Variants in SLC36A1 observed in about 807,000 individuals in gnomAD.
SLC36A1 encodes solute carrier family 36 member 1.
A neutral mutation model predicts 47.5 loss-of-function variants in SLC36A1; 30 were observed. That is an observed-to-expected ratio of 0.63 (90% confidence interval 0.47 to 0.86). SLC36A1 has a LOEUF of 0.86. Among genes scored for constraint, SLC36A1 ranks in the 40% least tolerant of loss-of-function variants. SLC36A1 has a pLI of 0.00. For synonymous variants in SLC36A1, 255 were observed against 249.7 expected, an observed-to-expected ratio of 1.02 and a Z score of -0.20; for missense variants, 517 against 606.0, an observed-to-expected ratio of 0.85 and a Z score of 1.54.
chr5:151,501,035 C>G, the SLC36A1 span, among the ~76,000 whole-genome samples: 2 of 152,250 alleles, frequency 1.3e-5, no homozygotes, highest in African/African-American at 4.8e-5. Flanking sequence ...CAGGGAGGTG[C>G]TGTGTGGACA....
chr5:151,449,654 C>T (rs1327288288), intron 1 of SLC36A1, among the ~76,000 whole-genome samples: 3 of 152,068 alleles, frequency 2.0e-5, no homozygotes, highest in Non-Finnish European at 4.4e-5. Context: ...ACAACTGGGA[C>T]CAATAGATGA....
At chr5:151,350,634 T>TAAAAA in the SLC36A1 span, among the ~76,000 whole-genome samples, 1 of 151,736 alleles carries the variant, frequency 6.6e-6, no homozygotes, top group Non-Finnish European at 1.5e-5. Context: ...ATATCACCAT[T>TAAAAA]AAAAAAAAGA....
At chr5:151,555,301 G>A in the SLC36A1 span, among the ~76,000 whole-genome samples, 60 of 152,096 alleles carry the variant, frequency 3.9e-4, no homozygotes, top group African/African-American at 1.3e-3. Context: ...CTGAACTGTG[G>A]AGAATGCTTT....
intron 1 of SLC36A1, among the ~76,000 whole-genome samples, chr5:151,454,126 C>CT (rs925968565): frequency 4.2e-5 from 4 of 96,032 alleles, no homozygotes; most frequent in East Asian, 3.3e-4. Context: ...AACTTGCAGA[C>CT]TTTTTTTACT....
At chr5:151,392,866 A>C in the SLC36A1 span, among the ~76,000 whole-genome samples, 1 of 152,198 alleles carries the variant, frequency 6.6e-6, no homozygotes, top group African/African-American at 2.4e-5. Flanking sequence ...TGCTGAGAAG[A>C]ATGTATATTC....
intron 1 of SLC36A1, among the ~76,000 whole-genome samples, chr5:151,458,336 G>GAC (rs1754972966): frequency 3.4e-5 from 3 of 88,470 alleles, no homozygotes; most frequent in Admixed American, 1.0e-4. Context: ...ATATATATGG[G>GAC]ATATTTATAT....
the SLC36A1 span, chr5:151,512,153 C>T: frequency 1.9e-6 from 3 of 1,607,260 alleles, no homozygotes; most frequent in Non-Finnish European, 2.6e-6. The surrounding 1 kb of genome is among the most constrained non-coding windows in gnomAD (Gnocchi z 4.1). Context: ...AGCCTGGCAC[C>T]CCAGCCCTCA....
the SLC36A1 span, chr5:151,382,334 C>T: frequency 3.3e-6 from 3 of 897,502 alleles, no homozygotes; most frequent in Non-Finnish European, 5.5e-6. Flanking sequence ...AGTTCAGCCT[C>T]CCTGTAGATC....
chr5:151,382,765 G>A, the SLC36A1 span, among the ~76,000 whole-genome samples: 1 of 152,188 alleles, frequency 6.6e-6, no homozygotes, highest in Non-Finnish European at 1.5e-5. Flanking sequence ...ACATGAGTGA[G>A]TCATTGGTAC....
At chr5:151,420,626 A>G in the SLC36A1 span, among the ~76,000 whole-genome samples, 1 of 152,184 alleles carries the variant, frequency 6.6e-6, no homozygotes, top group Non-Finnish European at 1.5e-5. Context: ...TCCCAACTTC[A>G]TTTAAAAATA....
At chr5:151,484,408 A>G (rs1438657836) in intron 10 of SLC36A1, among the ~76,000 whole-genome samples, 1 of 152,234 alleles carries the variant, frequency 6.6e-6, no homozygotes, top group Non-Finnish European at 1.5e-5. Context: ...TGGGCAAGCC[A>G]TGTGTTCGAG....
At chr5:151,395,218 T>G in the SLC36A1 span, among the ~76,000 whole-genome samples, 3 of 152,236 alleles carry the variant, frequency 2.0e-5, no homozygotes, top group East Asian at 5.8e-4. Context: ...GCGCCGGATA[T>G]AATCTCCTGG....
chr5:151,512,101 C>A, the SLC36A1 span: 264 of 1,488,994 alleles, frequency 1.8e-4, no homozygotes, highest in Non-Finnish European at 2.2e-4. The surrounding 1 kb of genome is among the most constrained non-coding windows in gnomAD (Gnocchi z 4.1). Flanking sequence ...CCCTGACATG[C>A]TTTTCCCACC....
chr5:151,369,136 C>G, the SLC36A1 span, among the ~76,000 whole-genome samples: 1 of 152,212 alleles, frequency 6.6e-6, no homozygotes, highest in Non-Finnish European at 1.5e-5. Flanking sequence ...TTCTAAAAAA[C>G]TATTGACTGG....
At chr5:151,529,368 A>G in the SLC36A1 span, 3 of 1,613,984 alleles carry the variant, frequency 1.9e-6, no homozygotes, top group Non-Finnish European at 2.5e-6. Context: ...CTCAAAGTCC[A>G]GGCTTGCGTT....
At chr5:151,506,073 C>G in the SLC36A1 span, 2 of 1,529,290 alleles carry the variant, frequency 1.3e-6, no homozygotes, top group Non-Finnish European at 1.7e-6. Context: ...AGTAGGGGGC[C>G]AGACCATGGC....
chr5:151,493,327 C>T (rs1245087315), downstream of SLC36A1, among the ~76,000 whole-genome samples: 2 of 152,144 alleles, frequency 1.3e-5, no homozygotes, highest in Non-Finnish European at 2.9e-5. Flanking sequence ...TCTGACACCA[C>T]CTGCCTGAAG....
At chr5:151,360,107 A>C in the SLC36A1 span, among the ~76,000 whole-genome samples, 29 of 152,168 alleles carry the variant, frequency 1.9e-4, no homozygotes, top group African/African-American at 7.0e-4. Flanking sequence ...TTTTATTTTT[A>C]TTAAAGCTTT....
chr5:151,348,113 G>A, the SLC36A1 span, among the ~76,000 whole-genome samples: 2 of 152,160 alleles, frequency 1.3e-5, no homozygotes, highest in Non-Finnish European at 2.9e-5. Context: ...ACAAAAAAGG[G>A]ACAGTCACTC....
Sources: gnomAD v4.1 joint callset for allele counts (sites outside exome capture counted in the v4.1 genomes callset) on GRCh38, gnomAD v4.1.1 for gene constraint, Gnocchi (gnomAD v3.1) non-coding constraint, MANE v1.5 for transcripts, NCBI Gene and HGNC (gene_info 2026-07-23, HGNC 2026-07-21) for gene names.